Variants in AGPAT3 observed in about 807,000 individuals in gnomAD.
The protein encoded by AGPAT3 is 1-acylglycerol-3-phosphate O-acyltransferase 3, also known as 1-acyl-sn-glycerol-3-phosphate acyltransferase gamma.
In AGPAT3, 5 loss-of-function variants were observed where a neutral mutation model predicts 47.3. The ratio of observed to expected loss-of-function variants is 0.11; its 90% CI spans 0.06 to 0.22. The LOEUF (loss-of-function observed/expected upper bound fraction) is 0.22, where lower values mean the gene tolerates loss of function less well. AGPAT3 is among the 10% of genes least tolerant of loss of function. The pLI, the probability that AGPAT3 is intolerant of heterozygous loss-of-function variation, is 1.00. For missense variants in AGPAT3, 315 were observed against 493.0 expected (o/e 0.64, Z 3.42); for synonymous variants, 212 against 208.3 (o/e 1.02, Z -0.15).
intron 1 of AGPAT3, among the ~76,000 whole-genome samples, chr21:43,894,217 CTTTT>C (rs11370715): frequency 3.6e-5 from 5 of 140,222 alleles, no homozygotes; most frequent in East Asian, 4.2e-4. Context: ...TTCTTTCTTT[CTTTT>C]TTTTTTTTTT....
intron 8 of AGPAT3, among the ~76,000 whole-genome samples, chr21:43,979,313 AAAAGAAAG>A (rs2089751345): frequency 6.9e-6 from 1 of 145,820 alleles, no homozygotes; most frequent in Non-Finnish European, 1.5e-5. Flanking sequence ...AAAAAAAAAA[AAAAGAAAG>A]AAAAAAAAAG....
chr21:43,953,196 G>A (rs559283247), intron 2 of AGPAT3, among the ~76,000 whole-genome samples: 5 of 152,334 alleles, frequency 3.3e-5, no homozygotes, highest in South Asian at 4.1e-4. Context: ...GGAGCGTCTC[G>A]GGGAAAGGGG....
intron 1 of AGPAT3, among the ~76,000 whole-genome samples, chr21:43,889,058 T>A (rs746221286): frequency 4.6e-5 from 7 of 152,180 alleles, no homozygotes; most frequent in Admixed American, 2.6e-4. Flanking sequence ...TTTTAAACAT[T>A]TATTTCTTTA....
At position 43,986,055 on chromosome 21, in the gene AGPAT3, T is replaced by C. The variant is rs964284611; in HGVS notation, c.*3663T>C. On this transcript the variant is annotated 3_prime_UTR_variant, in exon 10 of 10. Coordinates refer to ENST00000291572, the MANE Select transcript of AGPAT3 (RefSeq NM_020132.5). ...CTGACTCCGCCCTGGCTCTGCCCCA[T>C]ACCCCTGCCGTGGGGCCGACCTGGG... The C allele has an allele frequency of 6.6e-6, 1 of 152,228 alleles. No homozygotes were observed. The highest frequency in any genetic ancestry group is 2.4e-5 in the African/African-American group (1 of 41,460). The allele number at this position is 152,228 out of a possible 1,614,324, so 9.4% of individuals were successfully genotyped here.
intron 1 of AGPAT3, among the ~76,000 whole-genome samples, chr21:43,892,179 C>T (rs755297142): frequency 3.3e-5 from 5 of 151,942 alleles, no homozygotes; most frequent in South Asian, 2.1e-4. Flanking sequence ...TGGTGGTGCA[C>T]GCCTGTAAAT....
chr21:43,980,934 A>G (rs2089827237), intron 8 of AGPAT3, 55 bp from the exon 9 acceptor site: 1 of 1,527,044 alleles, frequency 6.5e-7, no homozygotes, highest in Non-Finnish European at 9.1e-7. Context: ...CCTGCATTGA[A>G]ATAATAGCTT....
chr21:43,967,915 A>G (rs748991482), intron 3 of AGPAT3, 31 bp from the exon 4 acceptor site: 3 of 1,606,368 alleles, frequency 1.9e-6, no homozygotes, highest in South Asian at 2.2e-5. Context: ...GAGGGGTCCT[A>G]CCAGTGCCAA....
intron 1 of AGPAT3, among the ~76,000 whole-genome samples, chr21:43,902,287 A>G (rs966185861): frequency 1.3e-5 from 2 of 152,260 alleles, no homozygotes; most frequent in Non-Finnish European, 2.9e-5. Flanking sequence ...ATCTACAAAA[A>G]CAATGGCCCT....
Position 43,974,254 on chromosome 21 carries a change from TTA to T in AGPAT3, c.767+2768_767+2769del, listed in dbSNP as rs1200403609. Among the ~76,000 whole-genome samples the T allele has an allele frequency of 5.3e-5, 8 of 152,266 alleles. No homozygotes were observed. In the East Asian group the frequency reaches 7.7e-4, roughly 15 times the overall value. The stretch of plus-strand genomic sequence containing the variant: ...TGTATAAATTATATGTGTGTATAAA[TTA>T]TATGTGTGTGGTATGTGTGTAAAAA... On this transcript the variant is annotated intron_variant, in intron 7 of 9. Coordinates refer to ENST00000291572, the MANE Select transcript of AGPAT3 (RefSeq NM_020132.5).
At chr21:43,980,370 G>A (rs1363454496) in intron 8 of AGPAT3, among the ~76,000 whole-genome samples, 2 of 151,598 alleles carry the variant, frequency 1.3e-5, no homozygotes, top group East Asian at 1.9e-4. Context: ...CCCCGCCCAC[G>A]GGCAGTGGCT....
chr21:43,981,710 C>T lies in AGPAT3; in HGVS notation c.1042+523C>T, dbSNP rs1183536362. Among the ~76,000 whole-genome samples the T allele has an allele frequency of 2.6e-5, 4 of 152,176 alleles. No homozygotes were observed. In the East Asian group the frequency reaches 5.8e-4, roughly 22 times the overall value. On this transcript the variant is annotated intron_variant, in intron 9 of 9. Transcript: ENST00000291572. This position sits in a 1 kb window ranked among gnomAD's most constrained non-coding sequence, Gnocchi z 5.3. ...TGAGCTCCGGCGCCCACCCACACCC[C>T]GTAATTGAGGGGTCTCTGTCCGTGG...
At chr21:43,971,205 A>G (rs989479267) in intron 6 of AGPAT3, among the ~76,000 whole-genome samples, 183 bp from the exon 7 acceptor site, 1 of 152,202 alleles carries the variant, frequency 6.6e-6, no homozygotes. Context: ...AGAATGGGGA[A>G]AAAAGAGGGG....
intron 1 of AGPAT3, among the ~76,000 whole-genome samples, chr21:43,878,722 T>G (rs2123562681): frequency 6.6e-6 from 1 of 151,422 alleles, no homozygotes; most frequent in African/African-American, 2.5e-5. Flanking sequence ...TAATAGTTTT[T>G]TATTTCCATT....
At chr21:43,977,478 C>G (rs2089660181) in intron 7 of AGPAT3, among the ~76,000 whole-genome samples, 1 of 152,194 alleles carries the variant, frequency 6.6e-6, no homozygotes, top group Admixed American at 6.5e-5. Context: ...GCTGCCGCCA[C>G]CCTGCACAGA....
At chr21:43,898,222 A>T (rs528827305) in intron 1 of AGPAT3, among the ~76,000 whole-genome samples, 218 of 152,356 alleles carry the variant, frequency 1.4e-3, no homozygotes, top group African/African-American at 5.1e-3. Flanking sequence ...CTTTAAATGT[A>T]GCTGCAGATA....
At position 43,954,139 on chromosome 21, in the gene AGPAT3, A is replaced by G. The variant is rs2088328483; in HGVS notation, c.-48-5495A>G. ...GGGCCACTGAGTCCAGGCCCCTCCC[A>G]ATGCTTTCCTGCTCTGCCAGCCCAA... On this transcript the variant is annotated intron_variant, in intron 2 of 9. Transcript: ENST00000291572. The surrounding 1 kb of genome is among the most constrained non-coding windows in gnomAD (Gnocchi z 4.0). Among the ~76,000 whole-genome samples, 1 of 152,238 alleles carries G rather than the reference A, an allele frequency of 6.6e-6. No individual in the cohort carries two copies. Among genetic ancestry groups the G allele is most frequent in the South Asian group, 2.1e-4 (1 of 4,830 alleles).
chr21:43,935,175 C>T (rs959665734), intron 2 of AGPAT3, among the ~76,000 whole-genome samples: 7 of 152,262 alleles, frequency 4.6e-5, no homozygotes, highest in African/African-American at 1.7e-4. Context: ...ACCAAAGTGC[C>T]GTGCCGCGCT....
intron 1 of AGPAT3, among the ~76,000 whole-genome samples, chr21:43,870,895 G>C (rs2085610475): frequency 6.6e-6 from 1 of 152,208 alleles, no homozygotes. Context: ...GTGAACATGA[G>C]TGAGAGACTG....
intron 2 of AGPAT3, among the ~76,000 whole-genome samples, chr21:43,918,385 C>A (rs577115133): frequency 2.0e-5 from 3 of 152,004 alleles, no homozygotes; most frequent in African/African-American, 7.3e-5. Flanking sequence ...GTGAGCTTGC[C>A]CCATCGGCAG....
Sources: allele counts gnomAD v4.1 joint callset (sites outside exome capture counted in the v4.1 genomes callset), GRCh38; gene constraint gnomAD v4.1.1; non-coding constraint Gnocchi (gnomAD v3.1); transcripts MANE v1.5; gene names NCBI Gene and HGNC (gene_info 2026-07-23, HGNC 2026-07-21).